Variants in SOCS7 observed in about 807,000 individuals in gnomAD.
SOCS7 encodes suppressor of cytokine signaling 7.
Under a neutral mutation model 58.9 loss-of-function variants are expected in SOCS7, and 18 were observed. The observed-to-expected ratio is 0.31, with a 90% CI of 0.21 to 0.45. The LOEUF (loss-of-function observed/expected upper bound fraction) is 0.45. Ranked by LOEUF, SOCS7 falls within the 20% of genes least tolerant of loss-of-function variation. The probability of loss-of-function intolerance (pLI) is 1.00; values close to 1 mark genes in which losing one functional copy is unlikely to be tolerated. For missense variants in SOCS7, 667 were observed against 837.3 expected (o/e 0.80, Z 2.51); for synonymous variants, 388 against 364.3 (o/e 1.06, Z -0.74).
chr17:38,364,671 T>C, intron 2 of SOCS7, 81 bp from the exon 3 acceptor site: 1 of 1,163,192 alleles, frequency 8.6e-7, no homozygotes, highest in East Asian at 2.3e-5. Context: ...CCTCGCCTGC[T>C]TGCCCTTTGC....
At chr17:38,396,759 C>A (rs2038249938) in intron 9 of SOCS7, among the ~76,000 whole-genome samples, 1 of 152,184 alleles carries the variant, frequency 6.6e-6, no homozygotes, top group South Asian at 2.1e-4. Context: ...GCCAGGGAGC[C>A]ATGACTTTGG....
At chr17:38,386,902 G>A (rs1227764241) in intron 7 of SOCS7, among the ~76,000 whole-genome samples, 1 of 149,052 alleles carries the variant, frequency 6.7e-6, no homozygotes, top group Non-Finnish European at 1.5e-5. Flanking sequence ...TGGCTAACAC[G>A]GTGAAACCCC....
intron 2 of SOCS7, among the ~76,000 whole-genome samples, chr17:38,363,283 A>G (rs1212992422): frequency 1.3e-5 from 2 of 152,176 alleles, no homozygotes; most frequent in Admixed American, 6.5e-5. Flanking sequence ...CCAGGCTTTC[A>G]GTTACCAAGC....
intron 7 of SOCS7, among the ~76,000 whole-genome samples, chr17:38,389,303 C>T (rs2038119895): frequency 6.6e-6 from 1 of 152,168 alleles, no homozygotes; most frequent in South Asian, 2.1e-4. Context: ...TGCCTATAAG[C>T]CCAGTACTTA....
At chr17:38,359,056 C>T (rs1193663512) in intron 1 of SOCS7, among the ~76,000 whole-genome samples, 1 of 152,242 alleles carries the variant, frequency 6.6e-6, no homozygotes, top group Admixed American at 6.5e-5. Context: ...AAGAGGCAAA[C>T]GGCCAAATGG....
At chr17:38,384,812 T>C (rs1447864483) in intron 7 of SOCS7, among the ~76,000 whole-genome samples, 1 of 151,714 alleles carries the variant, frequency 6.6e-6, no homozygotes, top group East Asian at 1.9e-4. Context: ...AGGCTTGTCT[T>C]GAACTCCTGA....
chr17:38,402,989 T>A lies in SOCS7; in HGVS notation c.*3507T>A, dbSNP rs1297031430. 1 of 151,946 alleles carries A rather than the reference T, an allele frequency of 6.6e-6. No individual in the cohort carries two copies. Among genetic ancestry groups the A allele is most frequent in the Non-Finnish European group, 1.5e-5 (1 of 68,000 alleles). The allele number at this position is 151,946 out of a possible 1,614,324, so 9.4% of individuals were successfully genotyped here. A position where few individuals can be genotyped will look rare whatever the true frequency, so the allele number is the denominator to read the frequency against. ...GTGTGCTATGTTGGTAGCACAGGAG[T>A]AGGCGGGCGGGGGTTTTGGTGTGGG... On this transcript the variant is annotated 3_prime_UTR_variant, in exon 10 of 10. Coordinates refer to ENST00000612932, the MANE Select transcript of SOCS7 (RefSeq NM_014598.4).
intron 6 of SOCS7, among the ~76,000 whole-genome samples, chr17:38,372,091 A>G (rs2037876047): frequency 6.6e-6 from 1 of 152,112 alleles, no homozygotes; most frequent in South Asian, 2.1e-4. Flanking sequence ...TGAACTGCGC[A>G]GGTCTGCTTA....
intron 1 of SOCS7, among the ~76,000 whole-genome samples, chr17:38,354,579 C>A (rs2037608088): frequency 6.6e-6 from 1 of 152,196 alleles, no homozygotes; most frequent in Non-Finnish European, 1.5e-5. Flanking sequence ...AGTGTTTCTG[C>A]TTTGCCTCCC....
intron 6 of SOCS7, among the ~76,000 whole-genome samples, chr17:38,371,155 C>T (rs2037858752): frequency 6.6e-6 from 1 of 152,078 alleles, no homozygotes; most frequent in Admixed American, 6.6e-5. Context: ...GGCTCTGTGC[C>T]CAGGTTGGAG....
chr17:38,358,408 A>G (rs988462797), intron 1 of SOCS7, among the ~76,000 whole-genome samples: 1 of 152,222 alleles, frequency 6.6e-6, no homozygotes, highest in Non-Finnish European at 1.5e-5. Flanking sequence ...AAGGGGATAT[A>G]TAAAGTGTAT....
At chr17:38,388,371 T>C (rs2144386311) in intron 7 of SOCS7, among the ~76,000 whole-genome samples, 1 of 151,610 alleles carries the variant, frequency 6.6e-6, no homozygotes, top group East Asian at 1.9e-4. Flanking sequence ...ATACAAAAAT[T>C]AGCTAGGAGC....
chr17:38,367,858 T>C (rs1251838724), intron 5 of SOCS7, 24 bp from the exon 6 acceptor site: 5 of 1,609,058 alleles, frequency 3.1e-6, no homozygotes, highest in South Asian at 1.1e-5. Context: ...TGATAACTAG[T>C]GGACTGCTTC....
rs147429718 is a variant in SOCS7, at chr17:38,395,863, T to C, written c.1833T>C (p.Tyr611=). The change falls in exon 9 of 10, where the codon TAT becomes TAC. Residue 611 remains tyrosine, a synonymous_variant. Transcript: ENST00000612932. ...TTTTTCACAGACCTCTGATCTCTTA[T>C]ATCCGAAAGTTCTACTACTATGATC... is the stretch of plus-strand genomic sequence containing the variant. The part of the protein sequence containing the change: ...DLPLPKPLIS[Y]IRKFYYYDPQ... The C allele has an allele frequency of 8.7e-6, 14 of 1,610,756 alleles. No individual in the cohort carries two copies. The highest frequency in any genetic ancestry group is 1.3e-5 in the African/African-American group (1 of 74,824).
Position 38,397,081 on chromosome 17 carries a change from C to CA in SOCS7, c.*30+1084dup, listed in dbSNP as rs776934204. On this transcript the variant is annotated intron_variant, in intron 9 of 9. Coordinates refer to ENST00000612932, the MANE Select transcript of SOCS7 (RefSeq NM_014598.4). Reference sequence around the variant, plus strand: ...AGTGCTGTAGAAGAACCCATATAAACAGGGAGCATGTTCAGAGAAAGGCCT... The same window carrying CA: ...AGTGCTGTAGAAGAACCCATATAAACAAGGGAGCATGTTCAGAGAAAGGCCT... Among the ~76,000 whole-genome samples the CA allele has an allele frequency of 4.5e-4, 69 of 152,290 alleles. No homozygotes were observed. The Middle Eastern group carries it at 0.017, about 38-fold the overall frequency.
intron 6 of SOCS7, among the ~76,000 whole-genome samples, chr17:38,373,637 T>C (rs2037895436): frequency 6.6e-6 from 1 of 152,222 alleles, no homozygotes; most frequent in Non-Finnish European, 1.5e-5. Context: ...TCATCAGTGC[T>C]TTGTCTCTGG....
chr17:38,377,938 T>A lies in SOCS7; in HGVS notation c.1681+96T>A, dbSNP rs80189858. 23 of 1,203,744 alleles carry A rather than the reference T, an allele frequency of 1.9e-5. 1 individual carries two copies. The South Asian group carries it at 3.4e-4, about 18-fold the overall frequency. 74.6% of individuals were successfully genotyped at this position (1,203,744 alleles called of 1,614,324 possible). ...TCCCCACAAAAGGCCATGGTTAAGCTTTTTTTCCCTGGCTGTTGGAGCCAC... is the reference window on the plus strand; with the variant it reads ...TCCCCACAAAAGGCCATGGTTAAGCATTTTTTCCCTGGCTGTTGGAGCCAC... On this transcript the variant is annotated intron_variant, in intron 7 of 9. Coordinates refer to ENST00000612932, the MANE Select transcript of SOCS7 (RefSeq NM_014598.4).
At chr17:38,389,566 T>C (rs1464021884) in intron 7 of SOCS7, among the ~76,000 whole-genome samples, 1 of 151,952 alleles carries the variant, frequency 6.6e-6, no homozygotes, top group East Asian at 1.9e-4. Flanking sequence ...CTTTATATAT[T>C]CTGGATACAA....
In SOCS7 at chr17:38,364,906, C is replaced by T; in HGVS notation, c.1150+50C>T. 4 of 1,425,118 alleles carry T rather than the reference C, an allele frequency of 2.8e-6. No homozygotes were observed. The Middle Eastern group carries it at 5.3e-4, about 190-fold the overall frequency. The allele number at this position is 1,425,118 out of a possible 1,614,324, so 88.3% of individuals were successfully genotyped here. ...TTCTTGCCTAGTGGGAGGGTGAGCT[C>T]CAGGGACTTGTTCTTTGCTGGGGGC... On this transcript the variant is annotated intron_variant, in intron 3 of 9. Coordinates refer to ENST00000612932, the MANE Select transcript of SOCS7 (RefSeq NM_014598.4).
Sources: allele counts gnomAD v4.1 joint callset (sites outside exome capture counted in the v4.1 genomes callset), GRCh38; gene constraint gnomAD v4.1.1; transcripts MANE v1.5; gene names NCBI Gene and HGNC (gene_info 2026-07-23, HGNC 2026-07-21).